HPSE2: variants seen among roughly 807,000 people sequenced by gnomAD.
HPSE2 encodes inactive heparanase-2.
Under a neutral mutation model 60.5 loss-of-function variants are expected in HPSE2, and 38 were observed. The ratio of observed to expected loss-of-function variants is 0.63; its 90% confidence interval spans 0.48 to 0.82. The LOEUF (loss-of-function observed/expected upper bound fraction) is 0.82, where lower values mean the gene tolerates loss of function less well. Ranked by LOEUF, HPSE2 falls within the 40% of genes least tolerant of loss-of-function variation. HPSE2 has a pLI of 0.00. For missense variants in HPSE2, 713 were observed against 740.4 expected (o/e 0.96, Z 0.43); for synonymous variants, 295 against 293.2 (o/e 1.01, Z -0.06).
chr10:98,734,912 A>AC (rs1565121903), intron 4 of HPSE2, among the ~76,000 whole-genome samples: 33 of 75,112 alleles, frequency 4.4e-4, no homozygotes, highest in African/African-American at 1.1e-3. Flanking sequence ...CACACACACA[A>AC]ACACACACAA....
chr10:98,940,792 T>A (rs534777578), intron 3 of HPSE2, among the ~76,000 whole-genome samples: 1 of 142,092 alleles, frequency 7.0e-6, no homozygotes, highest in Admixed American at 7.0e-5. Context: ...AAAGAGAATT[T>A]TAAACCAATA....
intron 2 of HPSE2, among the ~76,000 whole-genome samples, chr10:99,201,841 C>T (rs1383415218): frequency 1.3e-5 from 2 of 152,024 alleles, no homozygotes; most frequent in African/African-American, 4.8e-5. Flanking sequence ...GCCTAGACTC[C>T]TAGTTTTTTC....
Position 98,902,387 on chromosome 10 carries a change from C to T in HPSE2, c.611-158331G>A, listed in dbSNP as rs1222954777. Among the ~76,000 whole-genome samples, 4 of 152,226 alleles carry T rather than the reference C, an allele frequency of 2.6e-5. No homozygotes were observed. In the East Asian group the frequency reaches 5.8e-4, roughly 22 times the overall value. ...GTCCTACTTCATTTAAATCTATGTA[C>T]AATAAGCATGAGTTTAAAGCCCAAG... On this transcript the variant is annotated intron_variant, in intron 3 of 11. Transcript: ENST00000370552.
chr10:99,147,119 C>A (rs759477431), intron 2 of HPSE2, among the ~76,000 whole-genome samples: 2 of 152,126 alleles, frequency 1.3e-5, no homozygotes, highest in Non-Finnish European at 2.9e-5. Context: ...ATCTTAAATA[C>A]GACGAAACTG....
chr10:98,764,021 T>G (rs1447059871), intron 3 of HPSE2, among the ~76,000 whole-genome samples: 1 of 152,162 alleles, frequency 6.6e-6, no homozygotes, highest in East Asian at 1.9e-4. Context: ...TCAACATACA[T>G]AGATGTAATA....
At chr10:99,016,674 T>C (rs1957149827) in intron 3 of HPSE2, among the ~76,000 whole-genome samples, 1 of 152,182 alleles carries the variant, frequency 6.6e-6, no homozygotes, top group Admixed American at 6.6e-5. Context: ...ATGGAATCTT[T>C]TTCCATTTGT....
chr10:98,623,911 G>A (rs571778256), intron 7 of HPSE2, among the ~76,000 whole-genome samples: 43 of 152,172 alleles, frequency 2.8e-4, no homozygotes, highest in Non-Finnish European at 5.0e-4. Context: ...GGAGGAAAAC[G>A]CTGAGAAAGG....
chr10:98,779,814 C>T lies in HPSE2; in HGVS notation c.611-35758G>A, dbSNP rs1312863667. Among the ~76,000 whole-genome samples, 3 of 152,006 alleles carry T rather than the reference C, an allele frequency of 2.0e-5. No homozygotes were observed. The East Asian group carries it at 5.8e-4, about 29-fold the overall frequency. On this transcript the variant is annotated intron_variant, in intron 3 of 11. Coordinates refer to ENST00000370552, the MANE Select transcript of HPSE2 (RefSeq NM_021828.5). Reference sequence around the variant, plus strand: ...AAAAGCTCACAAACTAGAAACCAGACCTAATACTGCCAGTGTTTTTGAGAG... The same window carrying T: ...AAAAGCTCACAAACTAGAAACCAGATCTAATACTGCCAGTGTTTTTGAGAG...
At chr10:98,464,143 A>AT (rs1393822977) in intron 11 of HPSE2, among the ~76,000 whole-genome samples, 1 of 152,130 alleles carries the variant, frequency 6.6e-6, no homozygotes, top group African/African-American at 2.4e-5. Context: ...GAAAGAAAAT[A>AT]TTTTTCAAAA....
At chr10:98,611,073 T>C (rs767564602) in intron 9 of HPSE2, among the ~76,000 whole-genome samples, 4 of 151,440 alleles carry the variant, frequency 2.6e-5, no homozygotes, top group Middle Eastern at 3.4e-3. Context: ...GACTCACACG[T>C]CCCCATTTTC....
At chr10:99,272,547 G>A in the HPSE2 span, among the ~76,000 whole-genome samples, 12 of 151,934 alleles carry the variant, frequency 7.9e-5, no homozygotes, top group East Asian at 1.9e-3. Flanking sequence ...ACTGATATCC[G>A]GAATCTATAA....
chr10:99,072,762 A>G (rs1415417261), intron 3 of HPSE2, among the ~76,000 whole-genome samples: 2 of 151,958 alleles, frequency 1.3e-5, no homozygotes, highest in African/African-American at 4.8e-5. Flanking sequence ...TGTCTCTACT[A>G]AAAATACAAA....
intron 11 of HPSE2, among the ~76,000 whole-genome samples, chr10:98,473,833 C>G (rs1940888065): frequency 6.6e-6 from 1 of 152,144 alleles, no homozygotes; most frequent in Non-Finnish European, 1.5e-5. Context: ...CTGTCTAGTC[C>G]TAGCATGAGC....
intron 3 of HPSE2, among the ~76,000 whole-genome samples, chr10:99,002,980 T>A (rs1956809992): frequency 6.7e-6 from 1 of 149,582 alleles, no homozygotes; most frequent in Non-Finnish European, 1.5e-5. Flanking sequence ...ATGTCTCCTA[T>A]CTAACTGAAA....
intron 5 of HPSE2, among the ~76,000 whole-genome samples, chr10:98,701,658 A>T (rs1447049414): frequency 8.8e-6 from 1 of 114,154 alleles, no homozygotes; most frequent in Non-Finnish European, 2.2e-5. Context: ...AAATAAAATA[A>T]AATAAAATGA....
Position 99,209,688 on chromosome 10 carries a change from G to GTTGT in HPSE2, c.448+22656_448+22659dup, listed in dbSNP as rs549236778. On this transcript the variant is annotated intron_variant, in intron 2 of 11. Coordinates refer to ENST00000370552, the MANE Select transcript of HPSE2 (RefSeq NM_021828.5). The stretch of plus-strand genomic sequence containing the variant: ...ATAGAAAATATTAATACAACTAAGA[G>GTTGT]TTGTTTGTTTGTTTGTTTTGAGATG... 1.6e-3 allele frequency among the ~76,000 whole-genome samples: 251 copies of GTTGT among 152,226 alleles called. 5 individuals carry two copies. In the East Asian group the frequency reaches 0.037, roughly 23 times the overall value.
At chr10:99,216,327 T>C (rs537335933) in intron 2 of HPSE2, among the ~76,000 whole-genome samples, 1 of 151,842 alleles carries the variant, frequency 6.6e-6, no homozygotes, top group South Asian at 2.1e-4. Context: ...CCTGAGTAGC[T>C]TGGATTACAA....
intron 3 of HPSE2, among the ~76,000 whole-genome samples, chr10:98,745,530 C>A (rs1309932716): frequency 6.6e-6 from 1 of 152,190 alleles, no homozygotes; most frequent in African/African-American, 2.4e-5. Context: ...TTCCCCTCAA[C>A]TTTAGGCCTC....
intron 9 of HPSE2, among the ~76,000 whole-genome samples, chr10:98,497,305 T>C (rs1422043196): frequency 1.3e-5 from 2 of 152,170 alleles, no homozygotes; most frequent in Admixed American, 6.5e-5. Context: ...TATTTGAGGA[T>C]TTGCTGTACA....
Sources: allele counts gnomAD v4.1 joint callset (sites outside exome capture counted in the v4.1 genomes callset), GRCh38; gene constraint gnomAD v4.1.1; transcripts MANE v1.5; gene names NCBI Gene and HGNC (gene_info 2026-07-23, HGNC 2026-07-21).